Variants in PPP2R2B observed in about 807,000 individuals in gnomAD.
PPP2R2B encodes serine/threonine-protein phosphatase 2A 55 kDa regulatory subunit B beta isoform.
In PPP2R2B, 5 loss-of-function variants were observed where a neutral mutation model predicts 46.0. That is an observed-to-expected ratio of 0.11 (90% CI 0.06 to 0.23). The LOEUF is 0.23. Ranked by LOEUF, PPP2R2B falls within the 10% of genes least tolerant of loss-of-function variation. PPP2R2B has a pLI of 1.00. For synonymous variants in PPP2R2B, 215 were observed against 206.7 expected (o/e 1.04, Z -0.34); for missense variants, 367 against 575.0 (o/e 0.64, Z 3.70).
chr5:146,786,043 C>T (rs1208392196), intron 2 of PPP2R2B, among the ~76,000 whole-genome samples: 5 of 152,040 alleles, frequency 3.3e-5, no homozygotes, highest in Non-Finnish European at 7.4e-5. Flanking sequence ...GGTATCTTCT[C>T]AACATGAAGG....
chr5:146,623,050 C>T (rs1331874729), intron 7 of PPP2R2B, among the ~76,000 whole-genome samples: 1 of 152,180 alleles, frequency 6.6e-6, no homozygotes, highest in Admixed American at 6.5e-5. Flanking sequence ...AATTTAGTAT[C>T]CATGAAATGT....
At position 146,587,160 on chromosome 5, in the gene PPP2R2B, C is replaced by T. The variant is rs930317606; in HGVS notation, c.*2787G>A. Reference sequence around the variant, plus strand: ...TAGTGTCAGCAGGAAAACAGACTGACTTCTATGTGCCACTAACTAAGAAAT... The same window carrying T: ...TAGTGTCAGCAGGAAAACAGACTGATTTCTATGTGCCACTAACTAAGAAAT... On this transcript the variant is annotated 3_prime_UTR_variant, in exon 10 of 10. Coordinates refer to ENST00000394411, the MANE Select transcript of PPP2R2B (RefSeq NM_181675.4). The T allele has an allele frequency of 1.1e-4, 16 of 152,240 alleles. No individual in the cohort carries two copies. Among genetic ancestry groups the T allele is most frequent in the Admixed American group, 1.0e-3 (16 of 15,288 alleles). The allele number at this position is 152,240 out of a possible 1,614,324, so 9.4% of individuals were successfully genotyped here.
At chr5:146,860,924 C>G (rs774384437) in intron 2 of PPP2R2B, among the ~76,000 whole-genome samples, 6 of 152,194 alleles carry the variant, frequency 3.9e-5, no homozygotes, top group Middle Eastern at 6.8e-3. Flanking sequence ...ATCTAAGGGC[C>G]AGGCTCATTG....
At chr5:146,812,435 C>T (rs540758862) in intron 2 of PPP2R2B, among the ~76,000 whole-genome samples, 2 of 129,316 alleles carry the variant, frequency 1.5e-5, no homozygotes, top group South Asian at 5.7e-4. Context: ...AGCACTACTA[C>T]TTTCCCAGGC....
At chr5:146,985,106 T>C (rs1384417732) in intron 1 of PPP2R2B, among the ~76,000 whole-genome samples, 1 of 147,184 alleles carries the variant, frequency 6.8e-6, no homozygotes, top group Non-Finnish European at 1.5e-5. Flanking sequence ...CTGCAACCTA[T>C]GCCTCCCAGG....
rs142656298 is a variant in PPP2R2B at position 146,832,342 on chromosome 5, G to C, written c.70+45660C>G. 5.4e-5 allele frequency among the ~76,000 whole-genome samples: 8 copies of C among 147,304 alleles called. No homozygotes were observed. In the East Asian group the frequency reaches 1.6e-3, roughly 30 times the overall value. ...TTCAGTCCTGAAAGCTCCATTCATG[G>C]TAAGTGCCCTACACAAGTAAGTGTG... On this transcript the variant is annotated intron_variant, in intron 2 of 9. Coordinates refer to ENST00000394411, the MANE Select transcript of PPP2R2B (RefSeq NM_181675.4).
intron 7 of PPP2R2B, among the ~76,000 whole-genome samples, chr5:146,615,515 T>TAAAAAAAAAAAAAAAAAAA (rs1364774106): frequency 7.0e-5 from 5 of 71,024 alleles, no homozygotes; most frequent in Non-Finnish European, 9.6e-5. Flanking sequence ...AAAAAAAAAT[T>TAAAAAAAAAAAAAAAAAAA]AAAAAAAAAA....
At chr5:146,782,085 C>T (rs532521336) in intron 2 of PPP2R2B, among the ~76,000 whole-genome samples, 1 of 152,268 alleles carries the variant, frequency 6.6e-6, no homozygotes, top group Admixed American at 6.5e-5. Context: ...GATTTGAATA[C>T]TGGCTCCCCC....
At chr5:146,675,731 T>C (rs1777666721) in intron 5 of PPP2R2B, among the ~76,000 whole-genome samples, 1 of 152,144 alleles carries the variant, frequency 6.6e-6, no homozygotes, top group Non-Finnish European at 1.5e-5. Context: ...GGCTCAGTTT[T>C]CTTTGCATGG....
intron 1 of PPP2R2B, among the ~76,000 whole-genome samples, chr5:147,006,281 G>C (rs530509728): frequency 6.6e-6 from 1 of 152,298 alleles, no homozygotes; most frequent in East Asian, 1.9e-4. Context: ...AAATCTTAAA[G>C]TACTTACAGA....
intron 1 of PPP2R2B, among the ~76,000 whole-genome samples, chr5:146,904,507 C>A (rs1468276619): frequency 6.6e-6 from 1 of 152,140 alleles, no homozygotes; most frequent in Non-Finnish European, 1.5e-5. Context: ...ATTCCACAGG[C>A]AGTATTGGGA....
At chr5:146,910,460 G>T (rs1279768586) in intron 1 of PPP2R2B, among the ~76,000 whole-genome samples, 1 of 152,146 alleles carries the variant, frequency 6.6e-6, no homozygotes, top group Admixed American at 6.5e-5. Flanking sequence ...GTACAAACAT[G>T]CAGTGAATAC....
At chr5:146,728,662 A>T (rs1185040667) in intron 2 of PPP2R2B, among the ~76,000 whole-genome samples, 1 of 152,060 alleles carries the variant, frequency 6.6e-6, no homozygotes, top group African/African-American at 2.4e-5. Context: ...ACCCAGGGGG[A>T]GTTAATTGAA....
At chr5:146,822,529 T>C (rs1758325267) in intron 2 of PPP2R2B, among the ~76,000 whole-genome samples, 1 of 148,936 alleles carries the variant, frequency 6.7e-6, no homozygotes. Flanking sequence ...ATTTTCTTCA[T>C]TTTTGGTTTT....
chr5:146,848,688 TA>T (rs1460391955), intron 2 of PPP2R2B, among the ~76,000 whole-genome samples: 1 of 152,304 alleles, frequency 6.6e-6, no homozygotes, highest in East Asian at 1.9e-4. Context: ...TTCTCCACTG[TA>T]AAGTTACTCC....
At chr5:146,994,204 C>G (rs1471486515) in intron 1 of PPP2R2B, among the ~76,000 whole-genome samples, 2 of 152,080 alleles carry the variant, frequency 1.3e-5, no homozygotes, top group Non-Finnish European at 2.9e-5. Flanking sequence ...GTTGCTAGAG[C>G]CAAGCAACAA....
intron 1 of PPP2R2B, among the ~76,000 whole-genome samples, chr5:146,915,359 T>C (rs1185308097): frequency 2.0e-5 from 3 of 152,066 alleles, no homozygotes; most frequent in Non-Finnish European, 4.4e-5. Flanking sequence ...ACATTCTTCT[T>C]ACAGCCCTTT....
At chr5:146,725,630 C>G (rs1751820370) in intron 2 of PPP2R2B, among the ~76,000 whole-genome samples, 1 of 152,144 alleles carries the variant, frequency 6.6e-6, no homozygotes, top group South Asian at 2.1e-4. Context: ...TCATATAGAA[C>G]AAAGAAATCT....
At chr5:146,716,513 G>A (rs1220788514) in intron 2 of PPP2R2B, among the ~76,000 whole-genome samples, 1 of 152,046 alleles carries the variant, frequency 6.6e-6, no homozygotes. Context: ...CATCTTTGAG[G>A]ATCCAATAAA....
Sources: gnomAD v4.1 joint callset for allele counts (sites outside exome capture counted in the v4.1 genomes callset) on GRCh38, gnomAD v4.1.1 for gene constraint, MANE v1.5 for transcripts, NCBI Gene and HGNC (gene_info 2026-07-23, HGNC 2026-07-21) for gene names.